The following MAF variants were observed in gnomAD, a reference collection of about 807,000 sequenced individuals.
The protein encoded by MAF is transcription factor Maf.
Under a neutral mutation model 22.0 loss-of-function variants are expected in MAF, and 10 were observed. That is an observed-to-expected ratio of 0.45 (90% CI 0.28 to 0.77). MAF has a LOEUF of 0.77. Ranked by LOEUF, MAF falls within the 30% of genes least tolerant of loss-of-function variation. The probability of loss-of-function intolerance (pLI) is 0.12; values close to 1 mark genes in which losing one functional copy is unlikely to be tolerated. For missense variants in MAF, 544 were observed against 548.4 expected (o/e 0.99, Z 0.08); for synonymous variants, 337 against 255.8 (o/e 1.32, Z -3.03).
the MAF span, among the ~76,000 whole-genome samples, chr16:79,573,346 T>C: frequency 2.6e-5 from 4 of 152,240 alleles, no homozygotes; most frequent in African/African-American, 9.6e-5. Context: ...AAATCTTCCA[T>C]ATCCCAGATT....
At chr16:79,569,895 T>C in the MAF span, among the ~76,000 whole-genome samples, 1 of 152,158 alleles carries the variant, frequency 6.6e-6, no homozygotes, top group African/African-American at 2.4e-5. Flanking sequence ...ACAATTGACG[T>C]TGGCTTCATG....
chr16:79,548,142 T>G, the MAF span, among the ~76,000 whole-genome samples: 14 of 152,240 alleles, frequency 9.2e-5, no homozygotes, highest in Admixed American at 8.5e-4. Flanking sequence ...ATTGGTCAAT[T>G]TCTTTTCAAG....
chr16:79,357,636 G>A, the MAF span, among the ~76,000 whole-genome samples: 2 of 152,042 alleles, frequency 1.3e-5, no homozygotes, highest in Non-Finnish European at 2.9e-5. Flanking sequence ...AACATCATGT[G>A]GGTTGGGACC....
the MAF span, among the ~76,000 whole-genome samples, chr16:79,283,840 C>G: frequency 2.0e-5 from 3 of 152,070 alleles, no homozygotes; most frequent in African/African-American, 7.2e-5. Flanking sequence ...TGAACTTTCA[C>G]CAAGCTGCTT....
the MAF span, among the ~76,000 whole-genome samples, chr16:79,544,522 C>T: frequency 6.6e-6 from 1 of 151,942 alleles, no homozygotes; most frequent in African/African-American, 2.4e-5. Context: ...TGCCTGTAAC[C>T]CCAGCACTTT....
chr16:79,226,092 C>A, the MAF span, among the ~76,000 whole-genome samples: 1 of 152,092 alleles, frequency 6.6e-6, no homozygotes, highest in Non-Finnish European at 1.5e-5. Flanking sequence ...ATGTTTATTG[C>A]AGTACTGTGC....
chr16:79,502,603 T>G, the MAF span, among the ~76,000 whole-genome samples: 16 of 149,920 alleles, frequency 1.1e-4, no homozygotes, highest in Admixed American at 6.7e-5. Context: ...GAGGTGGAGG[T>G]TGCAGTGAGC....
the MAF span, among the ~76,000 whole-genome samples, chr16:79,345,321 C>T: frequency 2.6e-5 from 4 of 152,188 alleles, no homozygotes; most frequent in Non-Finnish European, 5.9e-5. Flanking sequence ...GTTTAATCCT[C>T]ATTTCATCCA....
chr16:79,297,989 G>T, the MAF span, among the ~76,000 whole-genome samples: 14 of 152,218 alleles, frequency 9.2e-5, no homozygotes, highest in Non-Finnish European at 2.1e-4. Context: ...GTGCTGCTGA[G>T]GTCATGACCA....
chr16:79,463,263 C>T, the MAF span, among the ~76,000 whole-genome samples: 196 of 152,198 alleles, frequency 1.3e-3, 5 homozygotes, highest in Non-Finnish European at 4.4e-4. Context: ...AGGAGTTGGG[C>T]TTTCACCCCC....
At chr16:79,284,741 C>T in the MAF span, among the ~76,000 whole-genome samples, 1 of 152,196 alleles carries the variant, frequency 6.6e-6, no homozygotes, top group African/African-American at 2.4e-5. Flanking sequence ...GTTTTTCAGG[C>T]ATGAACACTT....
downstream of MAF, among the ~76,000 whole-genome samples, chr16:79,581,272 C>G (rs948291500): frequency 2.0e-5 from 3 of 152,166 alleles, no homozygotes; most frequent in Non-Finnish European, 4.4e-5. Flanking sequence ...TCCCCCATTT[C>G]CTGTTCATCA....
the MAF span, among the ~76,000 whole-genome samples, chr16:79,454,544 G>A: frequency 6.6e-6 from 1 of 152,156 alleles, no homozygotes; most frequent in East Asian, 1.9e-4. Flanking sequence ...TTTAAGTGAT[G>A]TCAAAGAATT....
chr16:79,256,045 G>C, the MAF span, among the ~76,000 whole-genome samples: 4 of 143,720 alleles, frequency 2.8e-5, no homozygotes, highest in Non-Finnish European at 6.0e-5. Context: ...GCTGTGGTGC[G>C]ATCTCAGCTC....
At chr16:79,238,523 T>G in the MAF span, among the ~76,000 whole-genome samples, 1 of 152,052 alleles carries the variant, frequency 6.6e-6, no homozygotes, top group Non-Finnish European at 1.5e-5. Flanking sequence ...CTTAGTGCTG[T>G]TGTTGCCAGA....
At chr16:79,563,266 G>A in the MAF span, among the ~76,000 whole-genome samples, 3 of 152,282 alleles carry the variant, frequency 2.0e-5, no homozygotes, top group Non-Finnish European at 2.9e-5. Flanking sequence ...TGTGACAGCC[G>A]CTGCCCATGT....
At chr16:79,485,982 A>C in the MAF span, among the ~76,000 whole-genome samples, 1 of 152,262 alleles carries the variant, frequency 6.6e-6, no homozygotes, top group Non-Finnish European at 1.5e-5. Context: ...AAAAATCTGG[A>C]CCACTGTGGA....
chr16:79,277,730 T>A, the MAF span, among the ~76,000 whole-genome samples: 304 of 152,358 alleles, frequency 2.0e-3, 2 homozygotes, highest in Admixed American at 2.2e-3. Context: ...TGAGCTTCTA[T>A]GTGTCTGTTT....
At chr16:79,380,260 T>C in the MAF span, among the ~76,000 whole-genome samples, 2 of 152,232 alleles carry the variant, frequency 1.3e-5, no homozygotes, top group Admixed American at 6.5e-5. Flanking sequence ...TAGCTGCTTA[T>C]TGACTGTGAA....
Sources: gnomAD v4.1 joint callset for allele counts (sites outside exome capture counted in the v4.1 genomes callset) on GRCh38, gnomAD v4.1.1 for gene constraint, MANE v1.5 for transcripts, NCBI Gene and HGNC (gene_info 2026-07-23, HGNC 2026-07-21) for gene names.